FAM168A: variants seen among roughly 807,000 people sequenced by gnomAD.
FAM168A encodes the protein family with sequence similarity 168 member A.
A neutral mutation model predicts 28.5 loss-of-function variants in FAM168A; 3 were observed. The ratio of observed to expected loss-of-function variants is 0.11; its 90% CI spans 0.05 to 0.27. The LOEUF (loss-of-function observed/expected upper bound fraction) is 0.27. Among genes scored for constraint, FAM168A ranks in the 10% least tolerant of loss-of-function variants. The probability of loss-of-function intolerance (pLI) is 1.00; values close to 1 mark genes in which losing one functional copy is unlikely to be tolerated. For synonymous variants in FAM168A, 122 were observed against 124.2 expected, an observed-to-expected ratio of 0.98 and a Z score of 0.12; for missense variants, 222 against 311.5, an observed-to-expected ratio of 0.71 and a Z score of 2.16.
intron 1 of FAM168A, among the ~76,000 whole-genome samples, chr11:73,594,494 T>G (rs1033543353): frequency 6.6e-6 from 1 of 152,166 alleles, no homozygotes; most frequent in Non-Finnish European, 1.5e-5. Flanking sequence ...ATGTTCACAA[T>G]GTTTTGCAGC....
intron 1 of FAM168A, among the ~76,000 whole-genome samples, chr11:73,512,454 G>A (rs995725434): frequency 6.6e-6 from 1 of 152,092 alleles, no homozygotes; most frequent in Non-Finnish European, 1.5e-5. Flanking sequence ...TATTTTGAGG[G>A]TGATGAAAAT....
At chr11:73,451,848 G>A (rs1565251114) in intron 2 of FAM168A, among the ~76,000 whole-genome samples, 1 of 152,218 alleles carries the variant, frequency 6.6e-6, no homozygotes, top group African/African-American at 2.4e-5. Context: ...AATAGTCCAT[G>A]AGTGTAAGTT....
intron 1 of FAM168A, among the ~76,000 whole-genome samples, chr11:73,555,502 C>T (rs997243087): frequency 2.6e-5 from 4 of 151,632 alleles, no homozygotes; most frequent in East Asian, 3.9e-4. Flanking sequence ...GTCAGGAGCT[C>T]GAGACCAGCC....
chr11:73,517,071 G>A (rs980170340), intron 1 of FAM168A, among the ~76,000 whole-genome samples: 34 of 152,110 alleles, frequency 2.2e-4, no homozygotes, highest in Admixed American at 6.5e-5. Flanking sequence ...CTGTAATTAC[G>A]GCATTTGCGA....
At chr11:73,485,645 T>C (rs1263453550) in intron 1 of FAM168A, among the ~76,000 whole-genome samples, 1 of 152,172 alleles carries the variant, frequency 6.6e-6, no homozygotes, top group African/African-American at 2.4e-5. Flanking sequence ...AATCTGTTTG[T>C]TTTTCGTCCT....
rs10568027 is a variant in FAM168A at position 73,574,718 on chromosome 11, A to ATT, written c.-19+23203_-19+23204dup. Reference sequence around the variant, plus strand: ...GCTGGGATGTGCCACTACACCTGGCATTTTTTTTTTTTTTTTTTTTTTTTT... The same window carrying ATT: ...GCTGGGATGTGCCACTACACCTGGCATTTTTTTTTTTTTTTTTTTTTTTTTTT... On this transcript the variant is annotated intron_variant, in intron 1 of 7. Coordinates refer to ENST00000356467, the MANE Select transcript of FAM168A (RefSeq NM_015159.3). Among the ~76,000 whole-genome samples, 165 of 88,554 alleles carry ATT rather than the reference A, an allele frequency of 1.9e-3. 1 individual carries two copies. The highest frequency in any genetic ancestry group is 5.8e-3 in the African/African-American group (150 of 25,668). 58.1% of individuals were successfully genotyped at this position (88,554 alleles called of 152,430 possible). A position where few individuals can be genotyped will look rare whatever the true frequency, so the allele number is the denominator to read the frequency against.
At chr11:73,589,673 A>T (rs1944359813) in intron 1 of FAM168A, among the ~76,000 whole-genome samples, 1 of 152,250 alleles carries the variant, frequency 6.6e-6, no homozygotes, top group Non-Finnish European at 1.5e-5. Context: ...TCACGCCTGT[A>T]ATCCCAACAC....
At chr11:73,548,619 T>C (rs965626340) in intron 1 of FAM168A, among the ~76,000 whole-genome samples, 1 of 152,182 alleles carries the variant, frequency 6.6e-6, no homozygotes, top group African/African-American at 2.4e-5. Flanking sequence ...GAACCCTAGA[T>C]ATATTTCTTT....
intron 1 of FAM168A, among the ~76,000 whole-genome samples, chr11:73,576,254 A>T (rs1295916347): frequency 1.3e-5 from 2 of 152,230 alleles, no homozygotes; most frequent in Admixed American, 6.5e-5. Flanking sequence ...CTAATTACCC[A>T]ACCAGCATGA....
At chr11:73,437,186 C>T (rs1251421951) in intron 2 of FAM168A, among the ~76,000 whole-genome samples, 2 of 152,018 alleles carry the variant, frequency 1.3e-5, no homozygotes. Context: ...CAACCTCCGC[C>T]TCCTGGGTTC....
chr11:73,522,430 A>C (rs1267773888), intron 1 of FAM168A, among the ~76,000 whole-genome samples: 1 of 151,900 alleles, frequency 6.6e-6, no homozygotes, highest in Non-Finnish European at 1.5e-5. Context: ...ACCACCTCCC[A>C]GGTTCACGCC....
intron 2 of FAM168A, among the ~76,000 whole-genome samples, chr11:73,438,960 C>G (rs1012797334): frequency 5.3e-5 from 8 of 151,834 alleles, no homozygotes; most frequent in Admixed American, 6.6e-5. Context: ...CCTCACCCCC[C>G]CTTCTTTTCT....
chr11:73,430,695 G>A lies in FAM168A; in HGVS notation c.146C>T (p.Ala49Val). ...SLYPTNSPSY[A>V]PATLLMKQAW... ...CTGTCCCATTTCCTCCTTACCTGGA[G>A]CATAACTGGGACTATTGGTGGGGTA... Residue 49 changes from alanine to valine, a missense_variant, in exon 3 of 8, where the codon GCT becomes GTT. Coordinates refer to ENST00000356467, the MANE Select transcript of FAM168A (RefSeq NM_015159.3). 1.2e-6 allele frequency: 2 copies of A among 1,613,552 alleles called. No homozygotes were observed. The highest frequency in any genetic ancestry group is 8.5e-7 in the Non-Finnish European group (1 of 1,179,658).
intron 1 of FAM168A, among the ~76,000 whole-genome samples, chr11:73,508,540 C>T (rs1026146047): frequency 1.3e-4 from 20 of 151,984 alleles, no homozygotes; most frequent in African/African-American, 4.6e-4. Context: ...CAGGTAGGTG[C>T]GTGCGTGCAT....
chr11:73,496,686 G>A (rs998609569), intron 1 of FAM168A, among the ~76,000 whole-genome samples: 7 of 152,040 alleles, frequency 4.6e-5, no homozygotes, highest in African/African-American at 4.8e-5. Context: ...TCAGCCTCCC[G>A]AGTAGCTGGG....
At chr11:73,457,144 T>C (rs1361253316) in intron 2 of FAM168A, among the ~76,000 whole-genome samples, 1 of 152,070 alleles carries the variant, frequency 6.6e-6, no homozygotes, top group Non-Finnish European at 1.5e-5. Context: ...TCCTAGTGAC[T>C]TGGGAGGCTG....
intron 2 of FAM168A, among the ~76,000 whole-genome samples, chr11:73,451,058 T>C (rs1867419446): frequency 6.6e-6 from 1 of 152,004 alleles, no homozygotes; most frequent in Non-Finnish European, 1.5e-5. Context: ...ATATTAGGGG[T>C]TGGGAAGACA....
At chr11:73,572,349 C>G (rs1453822122) in intron 1 of FAM168A, among the ~76,000 whole-genome samples, 1 of 152,234 alleles carries the variant, frequency 6.6e-6, no homozygotes, top group Non-Finnish European at 1.5e-5. Context: ...GCCCCTCTGC[C>G]CAGCTACCAC....
rs148544714 is a variant in FAM168A at position 73,460,040 on chromosome 11, C to G, written c.70+8365G>C. On this transcript the variant is annotated intron_variant, in intron 2 of 7. Transcript: ENST00000356467. ...GGAGTACAGGCGCCCACCACCATGC[C>G]TGGCTAATTTTTTGTATTTTTAGTA... Among the ~76,000 whole-genome samples the G allele has an allele frequency of 2.0e-5, 3 of 152,202 alleles. No individual in the cohort carries two copies. In the East Asian group the frequency reaches 5.8e-4, roughly 29 times the overall value.
Sources: gnomAD v4.1 joint callset for allele counts (sites outside exome capture counted in the v4.1 genomes callset) on GRCh38, gnomAD v4.1.1 for gene constraint, MANE v1.5 for transcripts, NCBI Gene and HGNC (gene_info 2026-07-23, HGNC 2026-07-21) for gene names.